Variants in STAMBP observed in about 807,000 individuals in gnomAD.
STAMBP encodes STAM binding protein, also known as STAM-binding protein.
Under a neutral mutation model 50.7 loss-of-function variants are expected in STAMBP, and 31 were observed. That is an observed-to-expected ratio of 0.61 (90% confidence interval 0.46 to 0.83). The LOEUF is 0.83. Ranked by LOEUF, STAMBP falls within the 40% of genes least tolerant of loss-of-function variation. The pLI, the probability that STAMBP is intolerant of heterozygous loss-of-function variation, is 0.00. For synonymous variants in STAMBP, 211 were observed against 192.4 expected (o/e 1.10, Z -0.80); for missense variants, 472 against 518.9 (o/e 0.91, Z 0.88).
chr2:73,850,147 T>A lies in STAMBP; in HGVS notation c.868-229T>A. On this transcript the variant is annotated intron_variant, in intron 6 of 9. Coordinates refer to ENST00000394070, the MANE Select transcript of STAMBP (RefSeq NM_213622.4). The surrounding 1 kb of genome is among the most constrained non-coding windows in gnomAD (Gnocchi z 4.3). ...GAAATTCCCTCAGGGCTGTGGTGTT[T>A]GCCCAGGCTGCAGAGTTCTGGGGTT... Among the ~76,000 whole-genome samples, 1 of 152,306 alleles carries A rather than the reference T, an allele frequency of 6.6e-6. No individual in the cohort carries two copies. The highest frequency in any genetic ancestry group is 1.5e-5 in the Non-Finnish European group (1 of 68,018).
Position 73,850,475 on chromosome 2 carries a change from C to T in STAMBP, c.967C>T (p.Gln323Ter), listed in dbSNP as rs1482297751. 1.2e-6 allele frequency: 2 copies of T among 1,613,742 alleles called. No homozygotes were observed. The highest frequency in any genetic ancestry group is 1.3e-5 in the African/African-American group (1 of 75,036). Reference sequence around the variant, plus strand: ...GAACGAAGAAGAACTTTTCCTCATACAGGATCAGCAGGGCCTCATCACACT... The same window carrying T: ...GAACGAAGAAGAACTTTTCCTCATATAGGATCAGCAGGGCCTCATCACACT... ...TENEEELFLI[Q>*]DQQGLITLGW... Residue 323 changes from glutamine (Q) to a stop codon, truncating the protein, a stop_gained, in exon 7 of 10, where the codon CAG (glutamine) becomes TAG (stop). Transcript: ENST00000394070. LOFTEE classifies it high-confidence loss of function. This position sits in a 1 kb window ranked among gnomAD's most constrained non-coding sequence, Gnocchi z 4.3.
chr2:73,868,821 G>T (rs1223345736), downstream of STAMBP, among the ~76,000 whole-genome samples: 1 of 152,084 alleles, frequency 6.6e-6, no homozygotes, highest in Admixed American at 6.6e-5. Flanking sequence ...GCTATAGTGA[G>T]CTGTGATAGC....
rs1473051858 is a variant in STAMBP at position 73,872,240 on chromosome 2, A to G, written c.*46-1112A>G. ...CCCATAACCCATCTACGCCACATGC[A>G]CTGAGAGTGGGGCAGCATTCATTTC... On this transcript the variant is annotated intron_variant, in intron 10 of 10. Coordinates refer to the STAMBP transcript ENST00000409707. Among the ~76,000 whole-genome samples the G allele has an allele frequency of 3.3e-5, 5 of 152,172 alleles. No individual in the cohort carries two copies. In the East Asian group the frequency reaches 7.7e-4, roughly 23 times the overall value.
In STAMBP at chr2:73,850,337, C is replaced by T; in HGVS notation, c.868-39C>T. 1 of 1,582,518 alleles carries T rather than the reference C, an allele frequency of 6.3e-7. No homozygotes were observed. The highest frequency in any genetic ancestry group is 1.4e-5 in the African/African-American group (1 of 74,020). On this transcript the variant is annotated intron_variant, in intron 6 of 9. Coordinates refer to ENST00000394070, the MANE Select transcript of STAMBP (RefSeq NM_213622.4). This position sits in a 1 kb window ranked among gnomAD's most constrained non-coding sequence, Gnocchi z 4.3. ...ATGGAGTGGAGCAGGGTTGCATGAG[C>T]ACCAGGGAATTGTGACCAGCTGTTT...
intron 6 of STAMBP, among the ~76,000 whole-genome samples, chr2:73,849,860 A>G (rs145030136): frequency 6.0e-4 from 91 of 152,334 alleles, no homozygotes; most frequent in Admixed American, 3.1e-3. Context: ...GACATGCACT[A>G]AAGTCTAACC....
At chr2:73,845,863 C>T (rs1192448667) in intron 4 of STAMBP, among the ~76,000 whole-genome samples, 1 of 152,236 alleles carries the variant, frequency 6.6e-6, no homozygotes, top group African/African-American at 2.4e-5. Flanking sequence ...AACTCCTGAC[C>T]TCAAGTGATC....
chr2:73,831,810 T>C (rs1446030282), intron 2 of STAMBP, among the ~76,000 whole-genome samples: 1 of 152,152 alleles, frequency 6.6e-6, no homozygotes, highest in African/African-American at 2.4e-5. Flanking sequence ...TCATTTGATC[T>C]TCACAGTTCT....
chr2:73,840,315 T>G (rs1008710384), intron 2 of STAMBP, among the ~76,000 whole-genome samples: 1 of 138,390 alleles, frequency 7.2e-6, no homozygotes, highest in African/African-American at 2.8e-5. Flanking sequence ...AGGGGTTTGT[T>G]TTTTTTTTTT....
chr2:73,872,172 T>A lies in STAMBP; in HGVS notation c.*46-1180T>A, dbSNP rs529879886. Among the ~76,000 whole-genome samples, 7 of 152,290 alleles carry A rather than the reference T, an allele frequency of 4.6e-5. No homozygotes were observed. In the South Asian group the frequency reaches 1.5e-3, roughly 32 times the overall value. ...ATGACTTCATCCTTGAACCAATCAC[T>A]CTGACCAGGAGGATGGAATATTAGC... On this transcript the variant is annotated intron_variant, in intron 10 of 10. Coordinates refer to the STAMBP transcript ENST00000409707.
chr2:73,868,377 G>A (rs1485743306), downstream of STAMBP, among the ~76,000 whole-genome samples: 1 of 152,016 alleles, frequency 6.6e-6, no homozygotes, highest in Non-Finnish European at 1.5e-5. Flanking sequence ...GAGTCGGATG[G>A]CAGCCCAGGT....
intron 7 of STAMBP, among the ~76,000 whole-genome samples, chr2:73,853,014 T>A (rs1677064885): frequency 6.6e-6 from 1 of 151,702 alleles, no homozygotes; most frequent in Non-Finnish European, 1.5e-5. Context: ...AATCCTGACC[T>A]TGTGATCCTC....
At chr2:73,837,815 A>G (rs1050751797) in intron 2 of STAMBP, among the ~76,000 whole-genome samples, 1 of 152,108 alleles carries the variant, frequency 6.6e-6, no homozygotes, top group Non-Finnish European at 1.5e-5. Context: ...TAATAAGGCT[A>G]GGGAATGAGA....
chr2:73,844,866 C>G lies in STAMBP; in HGVS notation c.257C>G (p.Pro86Arg). Residue 86 changes from proline to arginine, a missense_variant, in exon 3 of 10, where the codon CCT (proline) becomes CGT (arginine). Coordinates refer to ENST00000394070, the MANE Select transcript of STAMBP (RefSeq NM_213622.4). ...CGAGATTACAAATCTGCTGTCATTC[C>G]TGAAAAGAAAGACACAGTAAAGGTG... Reference protein sequence around the residue: ...KHRDYKSAVIPEKKDTVKKLK... With the variant: ...KHRDYKSAVIREKKDTVKKLK... The G allele has an allele frequency of 6.2e-7, 1 of 1,613,972 alleles. No homozygotes were observed. Among genetic ancestry groups the G allele is most frequent in the Non-Finnish European group, 8.5e-7 (1 of 1,179,978 alleles).
At chr2:73,848,627 C>A (rs751616836) in intron 5 of STAMBP, among the ~76,000 whole-genome samples, 68 of 152,168 alleles carry the variant, frequency 4.5e-4, no homozygotes, top group Non-Finnish European at 7.5e-4. Context: ...GACCCAGGGG[C>A]CTGGCAAAGG....
In STAMBP at chr2:73,850,808, A is replaced by G. The variant is rs1415794211; in HGVS notation, c.1005+295A>G. ...TGGTGATGGGATGCTGGCCTAGAAT[A>G]TAAGTGGACATTGACCTTAGAGACT... On this transcript the variant is annotated intron_variant, in intron 7 of 9. Transcript: ENST00000394070. The surrounding 1 kb of genome is among the most constrained non-coding windows in gnomAD (Gnocchi z 4.3). Among the ~76,000 whole-genome samples the G allele has an allele frequency of 2.0e-5, 3 of 152,190 alleles. No homozygotes were observed. Among genetic ancestry groups the G allele is most frequent in the African/African-American group, 7.2e-5 (3 of 41,444 alleles).
chr2:73,841,306 C>G (rs1675359719), intron 2 of STAMBP, among the ~76,000 whole-genome samples: 1 of 152,062 alleles, frequency 6.6e-6, no homozygotes, highest in South Asian at 2.1e-4. Context: ...AAAAAACTCC[C>G]AAACCTGTAT....
At chr2:73,871,521 C>T (rs1679198207), downstream of STAMBP, among the ~76,000 whole-genome samples, 1 of 150,448 alleles carries the variant, frequency 6.6e-6, no homozygotes, top group Non-Finnish European at 1.5e-5. Context: ...ACACTCCAGC[C>T]TGGGCAACAG....
chr2:73,861,827 A>C (rs1014706845), intron 9 of STAMBP, among the ~76,000 whole-genome samples: 7 of 150,420 alleles, frequency 4.7e-5, no homozygotes, highest in Admixed American at 1.3e-4. Context: ...GCACCCAGCC[A>C]AAAAGTGGTT....
chr2:73,841,717 G>C (rs940552874), intron 2 of STAMBP, among the ~76,000 whole-genome samples: 6 of 152,206 alleles, frequency 3.9e-5, no homozygotes, highest in Admixed American at 2.0e-4. Context: ...GTGAGATTAA[G>C]TGACTTGCCC....
Sources: gnomAD v4.1 joint callset for allele counts (sites outside exome capture counted in the v4.1 genomes callset) on GRCh38, gnomAD v4.1.1 for gene constraint, Gnocchi (gnomAD v3.1) non-coding constraint, MANE v1.5 for transcripts, NCBI Gene and HGNC (gene_info 2026-07-23, HGNC 2026-07-21) for gene names.